CPM: variants seen among roughly 807,000 people sequenced by gnomAD.
CPM encodes renal carboxypeptidase.
In CPM, 35 loss-of-function variants were observed where a neutral mutation model predicts 46.4. The ratio of observed to expected loss-of-function variants is 0.75; its 90% CI spans 0.58 to 1.00. The LOEUF is 1.00. Among genes scored for constraint, CPM ranks in the 50% least tolerant of loss-of-function variants. The pLI is 0.00. For synonymous variants in CPM, 195 were observed against 195.3 expected (o/e 1.00, Z 0.01); for missense variants, 422 against 530.4 (o/e 0.80, Z 2.01).
At chr12:68,869,852 T>A (rs1481393987) in intron 5 of CPM, among the ~76,000 whole-genome samples, 1 of 150,330 alleles carries the variant, frequency 6.7e-6, no homozygotes, top group Non-Finnish European at 1.5e-5. Flanking sequence ...TTAAGAAGAG[T>A]CAACAATTAT....
At chr12:68,877,443 T>C (rs1886008228) in intron 3 of CPM, among the ~76,000 whole-genome samples, 1 of 152,220 alleles carries the variant, frequency 6.6e-6, no homozygotes, top group Non-Finnish European at 1.5e-5. Flanking sequence ...AGGTGCTTTG[T>C]AAGGGGAGAT....
At chr12:68,843,249 T>C (rs1592607949) in intron 5 of CPM, 1 of 226,784 alleles carries the variant, frequency 4.4e-6, no homozygotes, top group Admixed American at 5.7e-5. Context: ...AAATAATGCT[T>C]TGAGGACCTC....
chr12:68,850,736 A>T (rs1373880977), downstream of CPM: 1 of 152,232 alleles, frequency 6.6e-6, no homozygotes, highest in Non-Finnish European at 1.5e-5. Flanking sequence ...AAATATAGGT[A>T]TGTTAATCCA....
intron 2 of CPM, among the ~76,000 whole-genome samples, chr12:68,921,137 CTTT>C (rs766006373): frequency 2.8e-5 from 4 of 142,514 alleles, no homozygotes; most frequent in Non-Finnish European, 3.1e-5. Context: ...TATTTAAACA[CTTT>C]TTTTTTTTTT....
upstream of CPM, among the ~76,000 whole-genome samples, chr12:68,934,640 C>T (rs1252702338): frequency 6.6e-6 from 1 of 151,546 alleles, no homozygotes; most frequent in East Asian, 1.9e-4. Context: ...GCACATGTGC[C>T]CTAGAACTTA....
intron 2 of CPM, among the ~76,000 whole-genome samples, chr12:68,912,356 G>A (rs1887631527): frequency 6.6e-6 from 1 of 152,058 alleles, no homozygotes; most frequent in South Asian, 2.1e-4. Context: ...GGGCATAAAT[G>A]GGGAATTTTT....
At chr12:68,919,960 G>A (rs370388571) in intron 2 of CPM, among the ~76,000 whole-genome samples, 78 of 152,340 alleles carry the variant, frequency 5.1e-4, no homozygotes, top group African/African-American at 1.8e-3. Flanking sequence ...GTGGAGCCTG[G>A]TGGGAGACGT....
intron 7 of CPM, among the ~76,000 whole-genome samples, chr12:68,861,234 G>A (rs996785142): frequency 5.9e-5 from 9 of 152,010 alleles, no homozygotes; most frequent in African/African-American, 1.4e-4. Context: ...GTGGTGTGGC[G>A]GGGGGAGAAT....
Position 68,870,328 on chromosome 12 carries a change from T to C in CPM, c.503A>G (p.Gln168Arg). 6.2e-7 allele frequency: 1 copy of C among 1,614,252 alleles called. No homozygotes were observed. The highest frequency in any genetic ancestry group is 8.5e-7 in the Non-Finnish European group (1 of 1,180,034). The change falls in exon 5 of 9, where the codon CAG (glutamine) becomes CGG (arginine). Residue 168 changes from glutamine to arginine, a missense_variant. By Grantham distance (43) the Gln-to-Arg change is conservative. Coordinates refer to ENST00000551568, the MANE Select transcript of CPM (RefSeq NM_198320.5). The stretch of plus-strand genomic sequence containing the variant: ...CTTCATGACTGCCACAGTTTCAGGC[T>C]GCCTTGAGACATTATTATATTCAAA... Reference protein sequence around the residue: ...DAFEYNNVSRQPETVAVMKWL... With the variant: ...DAFEYNNVSRRPETVAVMKWL...
At chr12:68,957,464 AG>A (rs1001327011) in intron 1 of CPM, 1 of 270,190 alleles carries the variant, frequency 3.7e-6, no homozygotes, top group Admixed American at 3.9e-5. Context: ...TGCTGGCAAA[AG>A]TTTCCAAAAT....
intron 3 of CPM, among the ~76,000 whole-genome samples, chr12:68,874,341 C>G (rs996874637): frequency 3.3e-5 from 5 of 151,778 alleles, no homozygotes; most frequent in Admixed American, 2.6e-4. Context: ...AGGGGCTGGG[C>G]GTGGAGGCTT....
chr12:68,850,713 A>T (rs934481217), downstream of CPM: 1 of 152,212 alleles, frequency 6.6e-6, no homozygotes, highest in Non-Finnish European at 1.5e-5. Flanking sequence ...AGTATTTCCC[A>T]AAATGTGTTT....
At chr12:68,881,333 A>T (rs948384213) in intron 3 of CPM, among the ~76,000 whole-genome samples, 1 of 152,240 alleles carries the variant, frequency 6.6e-6, no homozygotes, top group Non-Finnish European at 1.5e-5. Context: ...CAGACAACTG[A>T]TTGGGCTCTT....
At chr12:68,871,316 G>T (rs1324485432) in intron 4 of CPM, among the ~76,000 whole-genome samples, 1 of 152,188 alleles carries the variant, frequency 6.6e-6, no homozygotes, top group South Asian at 2.1e-4. Flanking sequence ...GTAGTGGGGG[G>T]AGAGACATGA....
chr12:68,876,223 G>T (rs533829336), intron 3 of CPM, among the ~76,000 whole-genome samples: 1 of 152,100 alleles, frequency 6.6e-6, no homozygotes, highest in Non-Finnish European at 1.5e-5. Context: ...TCAATTGCAA[G>T]GGTAAATAAA....
intron 2 of CPM, among the ~76,000 whole-genome samples, chr12:68,916,302 C>T (rs1309828339): frequency 6.6e-6 from 1 of 151,954 alleles, no homozygotes; most frequent in African/African-American, 2.4e-5. Context: ...AAAATCATTC[C>T]TTTCTGTGTG....
At chr12:68,903,513 G>T (rs1592678959) in intron 2 of CPM, among the ~76,000 whole-genome samples, 1 of 152,212 alleles carries the variant, frequency 6.6e-6, no homozygotes, top group South Asian at 2.1e-4. Context: ...TCTCAGATCA[G>T]CTCCTACCTT....
intron 3 of CPM, among the ~76,000 whole-genome samples, chr12:68,876,919 T>TGAGAGA (rs934166312): frequency 2.0e-4 from 13 of 66,022 alleles, no homozygotes; most frequent in Non-Finnish European, 4.0e-5. Flanking sequence ...TGTGTGTGTG[T>TGAGAGA]GAGAGAGAGA....
intron 7 of CPM, among the ~76,000 whole-genome samples, chr12:68,863,823 A>G (rs1236503090): frequency 1.3e-5 from 2 of 152,182 alleles, no homozygotes; most frequent in Non-Finnish European, 2.9e-5. Context: ...AATTGGTAAA[A>G]TGGAACCAGT....
Sources: allele counts gnomAD v4.1 joint callset (sites outside exome capture counted in the v4.1 genomes callset), GRCh38; gene constraint gnomAD v4.1.1; transcripts MANE v1.5; gene names NCBI Gene and HGNC (gene_info 2026-07-23, HGNC 2026-07-21).